KIFAP3: variants seen among roughly 807,000 people sequenced by gnomAD.
The protein encoded by KIFAP3 is kinesin-associated protein 3.
Under a neutral mutation model 106.5 loss-of-function variants are expected in KIFAP3, and 68 were observed. The ratio of observed to expected loss-of-function variants is 0.64; its 90% CI spans 0.53 to 0.78. KIFAP3 has a LOEUF of 0.78. Ranked by LOEUF, KIFAP3 falls within the 30% of genes least tolerant of loss-of-function variation. KIFAP3 has a pLI of 0.00. For synonymous variants in KIFAP3, 320 were observed against 311.5 expected (o/e 1.03, Z -0.29); for missense variants, 780 against 941.8 (o/e 0.83, Z 2.25).
At chr1:169,932,033 A>G (rs574556028) in intron 19 of KIFAP3, among the ~76,000 whole-genome samples, 96 of 152,206 alleles carry the variant, frequency 6.3e-4, no homozygotes, top group African/African-American at 2.2e-3. Flanking sequence ...CCAAGCACAA[A>G]TATTTCTTTT....
chr1:169,971,144 T>C (rs1420266742), intron 17 of KIFAP3, among the ~76,000 whole-genome samples: 3 of 152,066 alleles, frequency 2.0e-5, no homozygotes, highest in African/African-American at 4.8e-5. Flanking sequence ...TCTGTAAATC[T>C]AAACATTATC....
chr1:170,059,684 G>T (rs1557871738), intron 1 of KIFAP3, among the ~76,000 whole-genome samples: 1 of 152,052 alleles, frequency 6.6e-6, no homozygotes, highest in African/African-American at 2.4e-5. Flanking sequence ...GCATCATCCT[G>T]ATACCAAAGC....
intron 10 of KIFAP3, among the ~76,000 whole-genome samples, chr1:169,997,824 C>T (rs996582694): frequency 2.2e-5 from 3 of 136,136 alleles, no homozygotes; most frequent in African/African-American, 2.8e-5. Flanking sequence ...GAGCCGAGAT[C>T]GTACCACTCC....
Position 170,027,554 on chromosome 1 carries a change from G to A in KIFAP3, c.842-2958C>T, listed in dbSNP as rs182274499. The stretch of plus-strand genomic sequence containing the variant: ...TATCACTGAAAACTACAATGCTTGA[G>A]ACTATAAACTAGATGAAATTAACAG... On this transcript the variant is annotated intron_variant, in intron 8 of 19. Coordinates refer to ENST00000361580, the MANE Select transcript of KIFAP3 (RefSeq NM_014970.4). Among the ~76,000 whole-genome samples the A allele has an allele frequency of 1.7e-3, 264 of 152,192 alleles. 1 individual carries two copies. Among genetic ancestry groups the A allele is most frequent in the African/African-American group, 6.2e-3 (257 of 41,538 alleles).
intron 19 of KIFAP3, among the ~76,000 whole-genome samples, chr1:169,932,714 TAA>T (rs1358349639): frequency 1.9e-3 from 62 of 32,938 alleles, no homozygotes; most frequent in African/African-American, 0.011. Flanking sequence ...TAATTAATGT[TAA>T]GTTTTTTTTT....
intron 3 of KIFAP3, 42 bp downstream of exon 3, chr1:170,046,670 A>T (rs2102087239): frequency 7.1e-7 from 1 of 1,412,450 alleles, no homozygotes; most frequent in East Asian, 2.6e-5. Context: ...TAATCAAACA[A>T]CTTTGGATTT....
At chr1:170,001,208 C>T (rs1013030979) in intron 10 of KIFAP3, among the ~76,000 whole-genome samples, 2 of 152,092 alleles carry the variant, frequency 1.3e-5, no homozygotes, top group Non-Finnish European at 2.9e-5. Flanking sequence ...AAAGAATACA[C>T]ATACTTGTGG....
At chr1:170,045,365 T>A (rs1670188744) in intron 3 of KIFAP3, among the ~76,000 whole-genome samples, 1 of 152,200 alleles carries the variant, frequency 6.6e-6, no homozygotes, top group Non-Finnish European at 1.5e-5. Flanking sequence ...TCTGTAGGCA[T>A]GGATAAATCC....
intron 14 of KIFAP3, 101 bp downstream of exon 14, chr1:169,982,601 C>T (rs1472652366): frequency 1.4e-6 from 1 of 739,820 alleles, no homozygotes. Context: ...AATGGCTTTT[C>T]CTAACATAAT....
intron 16 of KIFAP3, among the ~76,000 whole-genome samples, chr1:169,975,202 A>G (rs1364927004): frequency 3.3e-5 from 5 of 152,110 alleles, no homozygotes; most frequent in Admixed American, 1.3e-4. Flanking sequence ...TATTTCCCAT[A>G]CTGCAGTTGT....
rs776908705 is a variant in KIFAP3 at position 169,921,686 on chromosome 1, T to C, written c.2369A>G (p.Tyr790Cys). The C allele has an allele frequency of 1.1e-5, 17 of 1,611,688 alleles. No individual in the cohort carries two copies. Among genetic ancestry groups the C allele is most frequent in the South Asian group, 3.3e-5 (3 of 90,984 alleles). ...GAAACAGATACTTTATCAAGATCCA[T>C]AGCCATAGTAGTAAGGTTCATCAGG... ...FRPDEPYYYG[Y>C]GS is the part of the protein sequence containing the mutation. The change falls in exon 20 of 20, where the codon TAT becomes TGT. Residue 790 changes from tyrosine to cysteine, a missense_variant. Transcript: ENST00000361580.
At chr1:169,973,105 G>GTGTGTA (rs145406203) in intron 16 of KIFAP3, among the ~76,000 whole-genome samples, 1 of 90,314 alleles carries the variant, frequency 1.1e-5, no homozygotes, top group African/African-American at 4.6e-5. Flanking sequence ...AAAATAGTGT[G>GTGTGTA]TATATATATA....
At chr1:170,078,748 T>C (rs530900400), upstream of KIFAP3, among the ~76,000 whole-genome samples, 1 of 152,318 alleles carries the variant, frequency 6.6e-6, no homozygotes, top group South Asian at 2.1e-4. Flanking sequence ...TAAGATAATG[T>C]CAATTTAGAT....
In KIFAP3 at chr1:170,024,446, C is replaced by A; in HGVS notation, c.992G>T (p.Ser331Ile). Residue 331 changes from serine to isoleucine, a missense_variant, in exon 9 of 20, where the codon AGC becomes ATC. Physicochemically the swap from Ser to Ile is moderately radical, Grantham distance 142. This residue lies in a region of KIFAP3 where 588 missense variants were observed against 678.9 expected (regional missense o/e 0.87). Transcript: ENST00000361580. ...ATCATTTTTATTCTCCATAAAAATG[C>A]TGAGTTTCTTCAAGAATGACACAAC... ...ILVVSFLKKLSIFMENKNDMV... is the reference protein window; with the variant it reads ...ILVVSFLKKLIIFMENKNDMV... 1 of 1,588,018 alleles carries A rather than the reference C, an allele frequency of 6.3e-7. No homozygotes were observed. The highest frequency in any genetic ancestry group is 8.6e-7 in the Non-Finnish European group (1 of 1,168,516).
Position 169,993,542 on chromosome 1 carries a change from T to C in KIFAP3, c.1184-1287A>G, listed in dbSNP as rs1005423057. Reference sequence around the variant, plus strand: ...AACTCATTTAATCAAAGATAGAAATTACTAGTTCTAAAAGGGGTTCAGAAT... The same window carrying C: ...AACTCATTTAATCAAAGATAGAAATCACTAGTTCTAAAAGGGGTTCAGAAT... On this transcript the variant is annotated intron_variant, in intron 10 of 19. Transcript: ENST00000361580. 6.6e-5 allele frequency among the ~76,000 whole-genome samples: 10 copies of C among 151,584 alleles called. 1 individual carries two copies. The highest frequency in any genetic ancestry group is 2.2e-4 in the African/African-American group (9 of 41,182).
At chr1:169,945,233 C>G (rs1429483970) in intron 19 of KIFAP3, among the ~76,000 whole-genome samples, 5 of 152,194 alleles carry the variant, frequency 3.3e-5, no homozygotes, top group African/African-American at 1.2e-4. Flanking sequence ...TTCAACTTTG[C>G]TGCAAAATTG....
intron 19 of KIFAP3, among the ~76,000 whole-genome samples, chr1:169,930,898 CATTTT>C (rs145097201): frequency 0.015 from 2,157 of 145,798 alleles, 54 homozygotes; most frequent in African/African-American, 0.051. Flanking sequence ...AAGTCCTTTT[CATTTT>C]ATTATTACTT....
chr1:169,952,898 C>T (rs181925765), intron 19 of KIFAP3, among the ~76,000 whole-genome samples: 11 of 152,038 alleles, frequency 7.2e-5, no homozygotes, highest in South Asian at 4.1e-4. Context: ...TAAGAGTTAT[C>T]GCACATTGGT....
At chr1:170,082,608 T>C (rs1051797635) in intron 1 of KIFAP3, among the ~76,000 whole-genome samples, 4 of 152,198 alleles carry the variant, frequency 2.6e-5, no homozygotes, top group African/African-American at 9.6e-5. Flanking sequence ...TATTTCCTAA[T>C]GTGATTGTTT....
Sources: allele counts gnomAD v4.1 joint callset (sites outside exome capture counted in the v4.1 genomes callset), GRCh38; gene constraint gnomAD v4.1.1; regional missense constraint gnomAD v4.1.1; transcripts MANE v1.5; gene names NCBI Gene and HGNC (gene_info 2026-07-23, HGNC 2026-07-21).